HAS3: variants seen among roughly 807,000 people sequenced by gnomAD.
The protein encoded by HAS3 is hyaluronan synthase 3.
In HAS3, 27 loss-of-function variants were observed where a neutral mutation model predicts 50.3. That is an observed-to-expected ratio of 0.54 (90% CI 0.40 to 0.74). HAS3 has a LOEUF of 0.74. HAS3 is among the 30% of genes least tolerant of loss of function. The probability of loss-of-function intolerance (pLI) is 0.00; values close to 1 mark genes in which losing one functional copy is unlikely to be tolerated. For missense variants in HAS3, 517 were observed against 742.8 expected (o/e 0.70, Z 3.53); for synonymous variants, 339 against 310.9 (o/e 1.09, Z -0.95).
downstream of HAS3, chr16:69,118,115 C>A: frequency 1.9e-6 from 1 of 527,600 alleles, no homozygotes; most frequent in Non-Finnish European, 3.4e-6. Flanking sequence ...TGATTTCTTC[C>A]CTTCATCCCC....
In HAS3 at chr16:69,115,337, G is replaced by A. The variant is rs539014136; in HGVS notation, c.*71G>A. On this transcript the variant is annotated 3_prime_UTR_variant, in exon 4 of 4. Transcript: ENST00000569188. ...GAAGGGGAATGGAAGAGAAAAGACA[G>A]GGTGGGAGGGAGGAGGGAGTGCTGT... 8.1e-6 allele frequency: 12 copies of A among 1,478,480 alleles called. No individual in the cohort carries two copies. In the South Asian group the frequency reaches 8.6e-5, roughly 11 times the overall value. 91.6% of individuals were successfully genotyped at this position (1,478,480 alleles called of 1,614,324 possible).
chr16:69,113,378 G>C, intron 2 of HAS3, 63 bp from the exon 3 acceptor site: 2 of 1,035,630 alleles, frequency 1.9e-6, no homozygotes, highest in Non-Finnish European at 3.1e-6. Flanking sequence ...CCTGGCAGTG[G>C]GGTGGGGGAC....
At chr16:69,100,166 GT>G in the HAS3 span, among the ~76,000 whole-genome samples, 1 of 152,178 alleles carries the variant, frequency 6.6e-6, no homozygotes, top group African/African-American at 2.4e-5. Context: ...CCTGGAAATG[GT>G]CCTGATTACA....
At chr16:69,088,893 G>A in the HAS3 span, among the ~76,000 whole-genome samples, 1 of 152,104 alleles carries the variant, frequency 6.6e-6, no homozygotes, top group African/African-American at 2.4e-5. Flanking sequence ...CTGCACTCCA[G>A]CCTGGGCAGC....
chr16:69,095,660 C>T, the HAS3 span, among the ~76,000 whole-genome samples: 1 of 151,668 alleles, frequency 6.6e-6, no homozygotes, highest in Non-Finnish European at 1.5e-5. Context: ...ACATGGGAAT[C>T]ACTACATTGG....
At chr16:69,102,944 C>G (rs1038460307), upstream of HAS3, among the ~76,000 whole-genome samples, 1 of 151,940 alleles carries the variant, frequency 6.6e-6, no homozygotes, top group Non-Finnish European at 1.5e-5. Context: ...AGGTCACTTA[C>G]AAGCAGCCAG....
chr16:69,098,084 G>A, the HAS3 span, among the ~76,000 whole-genome samples: 5 of 152,046 alleles, frequency 3.3e-5, no homozygotes, highest in Admixed American at 6.6e-5. Context: ...CACCCTGCCC[G>A]GGCTTATAAG....
At chr16:69,095,628 C>T in the HAS3 span, among the ~76,000 whole-genome samples, 2 of 151,622 alleles carry the variant, frequency 1.3e-5, no homozygotes, top group South Asian at 2.1e-4. Context: ...TTTTCAAAGT[C>T]TACTGTGCAA....
At position 69,113,446 on chromosome 16, in the gene HAS3, C is replaced by A. The variant is rs778620952; in HGVS notation, c.642C>A (p.Cys214Ter). 3 of 1,611,678 alleles carry A rather than the reference C, an allele frequency of 1.9e-6. No individual in the cohort carries two copies. The highest frequency in any genetic ancestry group is 2.5e-6 in the Non-Finnish European group (3 of 1,178,048). ...LGDSVDYIQV[C>*]DSDTVLDPAC... ...ACGACGCACTCCCTCTGCAGGTGTG[C>A]GACTCTGACACTGTGCTGGATCCAG... The change falls in exon 3 of 4, where the codon TGC (cysteine) becomes TGA (stop). Residue 214 changes from cysteine to a stop codon, truncating the protein, a stop_gained. Coordinates refer to ENST00000569188, the MANE Select transcript of HAS3 (RefSeq NM_001199280.2). LOFTEE classifies it high-confidence loss of function.
Position 69,114,358 on chromosome 16 carries a change from G to T in HAS3, c.754G>T (p.Asp252Tyr). 6.2e-7 allele frequency: 1 copy of T among 1,601,130 alleles called. No individual in the cohort carries two copies. The highest frequency in any genetic ancestry group is 1.1e-5 in the South Asian group (1 of 90,806). The stretch of plus-strand genomic sequence containing the variant: ...TCCCTTGCAGATCCTCAACAAGTAC[G>T]ACTCATGGATTTCCTTCCTGAGCAG... Reference protein sequence around the residue: ...GGDVQILNKYDSWISFLSSVR... With the variant: ...GGDVQILNKYYSWISFLSSVR... The change falls in exon 4 of 4, where the codon GAC becomes TAC. Residue 252 changes from aspartate to tyrosine, a missense_variant. Transcript: ENST00000569188. The surrounding 1 kb of genome is among the most constrained non-coding windows in gnomAD (Gnocchi z 6.4).
In HAS3 at chr16:69,114,483, C is replaced by T. The variant is rs1003397848; in HGVS notation, c.879C>T (p.Ser293=). ...ISGPLGMYRN[S]LLQQFLEDWY... Reference sequence around the variant, plus strand: ...GGCCCTTGGGCATGTACCGCAACAGCCTCCTCCAGCAGTTCCTGGAGGACT... The same window carrying T: ...GGCCCTTGGGCATGTACCGCAACAGTCTCCTCCAGCAGTTCCTGGAGGACT... The change falls in exon 4 of 4, where the codon AGC becomes AGT. Residue 293 remains serine (S), a synonymous_variant. Coordinates refer to ENST00000569188, the MANE Select transcript of HAS3 (RefSeq NM_001199280.2). The surrounding 1 kb of genome is among the most constrained non-coding windows in gnomAD (Gnocchi z 6.4). The T allele has an allele frequency of 2.5e-6, 4 of 1,613,866 alleles. No homozygotes were observed. In the South Asian group the frequency reaches 3.3e-5, roughly 13 times the overall value.
chr16:69,109,695 C>T lies in HAS3; in HGVS notation c.300C>T (p.Tyr100=), dbSNP rs774416126. 2 of 1,610,576 alleles carry T rather than the reference C, an allele frequency of 1.2e-6. No individual in the cohort carries two copies. The highest frequency in any genetic ancestry group is 2.2e-5 in the South Asian group (2 of 91,082). ...CCGCATACCAGGAGGACCCTGACTA[C>T]TTGCGCAAGTGCCTGCGCTCGGCCC... ...CIAAYQEDPD[Y]LRKCLRSAQR... is the part of the protein sequence containing the mutation. The change falls in exon 2 of 4, where the codon TAC becomes TAT. Residue 100 remains tyrosine, a synonymous_variant. Transcript: ENST00000569188. This position sits in a 1 kb window ranked among gnomAD's most constrained non-coding sequence, Gnocchi z 5.3.
intron 2 of HAS3, among the ~76,000 whole-genome samples, chr16:69,110,919 G>A (rs1420129982): frequency 1.3e-5 from 2 of 152,118 alleles, no homozygotes; most frequent in Non-Finnish European, 2.9e-5. Context: ...ATGTCTGGGC[G>A]GTGAGAGACA....
chr16:69,109,275 G>C lies in HAS3; in HGVS notation c.1-121G>C. The C allele has an allele frequency of 3.0e-6, 3 of 993,268 alleles. No homozygotes were observed. The highest frequency in any genetic ancestry group is 2.9e-6 in the Non-Finnish European group (2 of 687,364). 61.5% of individuals were successfully genotyped at this position (993,268 alleles called of 1,614,324 possible). On this transcript the variant is annotated intron_variant, in intron 1 of 3. Coordinates refer to ENST00000569188, the MANE Select transcript of HAS3 (RefSeq NM_001199280.2). The surrounding 1 kb of genome is among the most constrained non-coding windows in gnomAD (Gnocchi z 5.3). Reference sequence around the variant, plus strand: ...CTGAGTCTACCAAGTCTTATGCTCAGTAAGCGGTAACGGTTTTGATCAGTG... The same window carrying C: ...CTGAGTCTACCAAGTCTTATGCTCACTAAGCGGTAACGGTTTTGATCAGTG...
upstream of HAS3, among the ~76,000 whole-genome samples, chr16:69,104,058 T>C (rs1236904020): frequency 6.6e-6 from 1 of 152,124 alleles, no homozygotes; most frequent in Non-Finnish European, 1.5e-5. Context: ...TAGGACTAGC[T>C]CCTAGGGAGG....
Position 69,114,566 on chromosome 16 carries a change from C to T in HAS3, c.962C>T (p.Thr321Ile), listed in dbSNP as rs1172878905. 2 of 1,614,112 alleles carry T rather than the reference C, an allele frequency of 1.2e-6. No homozygotes were observed. The highest frequency in any genetic ancestry group is 2.2e-5 in the East Asian group (1 of 44,872). Residue 321 changes from threonine to isoleucine, a missense_variant, in exon 4 of 4, where the codon ACC becomes ATC. Coordinates refer to ENST00000569188, the MANE Select transcript of HAS3 (RefSeq NM_001199280.2). The surrounding 1 kb of genome is among the most constrained non-coding windows in gnomAD (Gnocchi z 6.4). ...KCSFGDDRHL[T>I]NRVLSLGYRT... is the part of the protein sequence containing the mutation. ...AGCTTCGGGGATGACCGGCACCTCA[C>T]CAACCGAGTCCTGAGCCTTGGCTAC...
rs1479918520 is a variant in HAS3 at position 69,106,412 on chromosome 16, C to A, written c.-1+625C>A. 6.7e-6 allele frequency: 1 copy of A among 148,656 alleles called. No individual in the cohort carries two copies. The highest frequency in any genetic ancestry group is 1.5e-5 in the Non-Finnish European group (1 of 66,714). The allele number at this position is 148,656 out of a possible 1,614,324, so 9.2% of individuals were successfully genotyped here. On this transcript the variant is annotated intron_variant, in intron 1 of 3. Transcript: ENST00000569188. The surrounding 1 kb of genome is among the most constrained non-coding windows in gnomAD (Gnocchi z 5.5). The stretch of plus-strand genomic sequence containing the variant: ...GGTGGCAGGGGTGCCTCTCGCCGAG[C>A]CCCCCGCACCCGGCCAGCTCCCAGC...
the HAS3 span, among the ~76,000 whole-genome samples, chr16:69,094,270 T>TAGCC: frequency 3.3e-5 from 5 of 152,074 alleles, no homozygotes; most frequent in African/African-American, 4.8e-5. Flanking sequence ...CACACACAGG[T>TAGCC]AGCCACCTGG....
chr16:69,095,563 T>C, the HAS3 span, among the ~76,000 whole-genome samples: 1 of 152,022 alleles, frequency 6.6e-6, no homozygotes, highest in Non-Finnish European at 1.5e-5. Flanking sequence ...GTGATTCTGA[T>C]TAAATTGATC....
Sources: gnomAD v4.1 joint callset for allele counts (sites outside exome capture counted in the v4.1 genomes callset) on GRCh38, gnomAD v4.1.1 for gene constraint, Gnocchi (gnomAD v3.1) non-coding constraint, MANE v1.5 for transcripts, NCBI Gene and HGNC (gene_info 2026-07-23, HGNC 2026-07-21) for gene names.